ACYP2: variants seen among roughly 807,000 people sequenced by gnomAD.
ACYP2 encodes acylphosphatase-2.
Under a neutral mutation model 11.2 loss-of-function variants are expected in ACYP2, and 12 were observed. That is an observed-to-expected ratio of 1.08 (90% CI 0.69 to 1.74). ACYP2 has a LOEUF of 1.74. ACYP2 is among the 40% of genes most tolerant of loss of function. The pLI is 0.00. For missense variants in ACYP2, 134 were observed against 101.9 expected, an observed-to-expected ratio of 1.31 and a Z score of -1.35; for synonymous variants, 43 against 32.2, an observed-to-expected ratio of 1.33 and a Z score of -1.13.
intron 6 of ACYP2, among the ~76,000 whole-genome samples, chr2:54,266,855 C>T (rs376843373): frequency 6.6e-5 from 10 of 151,854 alleles, no homozygotes; most frequent in East Asian, 5.8e-4. Context: ...GTGATCCGCC[C>T]GCCTCAGCCT....
At chr2:54,033,437 T>G (rs568401441) in intron 2 of ACYP2, among the ~76,000 whole-genome samples, 1 of 152,130 alleles carries the variant, frequency 6.6e-6, no homozygotes, top group South Asian at 2.1e-4. Context: ...GGTCTCGAAC[T>G]CTTGGGCTCA....
chr2:54,008,594 A>C lies in ACYP2; in HGVS notation c.62+34784A>C, dbSNP rs139307729. On this transcript the variant is annotated intron_variant, in intron 2 of 6. Transcript: ENST00000607452. ...AGAATTACATTCTTTGGCCAGGTTC[A>C]AGTGATTCTCCCACCTCAGACTCCC... Among the ~76,000 whole-genome samples, 687 of 152,300 alleles carry C rather than the reference A, an allele frequency of 4.5e-3. 12 individuals carry two copies. Among genetic ancestry groups the C allele is most frequent in the African/African-American group, 0.016 (667 of 41,560 alleles).
intron 4 of ACYP2, among the ~76,000 whole-genome samples, chr2:54,066,357 G>A (rs758906240): frequency 3.9e-5 from 6 of 152,062 alleles, no homozygotes; most frequent in African/African-American, 1.2e-4. Flanking sequence ...TTGAGGCCTC[G>A]CCAGACATGC....
chr2:54,018,099 T>G (rs1439185079), intron 2 of ACYP2, among the ~76,000 whole-genome samples: 1 of 152,162 alleles, frequency 6.6e-6, no homozygotes, highest in Non-Finnish European at 1.5e-5. Context: ...GGACCTGTGT[T>G]GTAACCTAGC....
chr2:54,149,857 T>G (rs1287409069), intron 6 of ACYP2, among the ~76,000 whole-genome samples: 3 of 152,142 alleles, frequency 2.0e-5, no homozygotes, highest in Non-Finnish European at 4.4e-5. Flanking sequence ...TTGAAGGCAT[T>G]GGGGAATTTA....
At chr2:54,244,729 TTTA>T (rs1328709515) in intron 6 of ACYP2, among the ~76,000 whole-genome samples, 2 of 150,934 alleles carry the variant, frequency 1.3e-5, no homozygotes, top group African/African-American at 2.4e-5. Flanking sequence ...AAATCCTTGT[TTTA>T]TTTTTTTCTG....
chr2:54,048,754 A>T (rs1191755440), intron 2 of ACYP2, among the ~76,000 whole-genome samples: 1 of 152,226 alleles, frequency 6.6e-6, no homozygotes, highest in Non-Finnish European at 1.5e-5. Context: ...AAATGTGCAG[A>T]ATTGTTTTCA....
At position 53,983,408 on chromosome 2, in the gene ACYP2, A is replaced by T. The variant is rs1301948860; in HGVS notation, c.62+9598A>T. Among the ~76,000 whole-genome samples the T allele has an allele frequency of 2.0e-5, 3 of 152,248 alleles. No homozygotes were observed. The East Asian group carries it at 5.8e-4, about 29-fold the overall frequency. ...GTAGTCCGAGCTACTTGGGAGGCTG[A>T]GGTGGAAGAATCACTTGAACCCAGG... is the stretch of plus-strand genomic sequence containing the variant. On this transcript the variant is annotated intron_variant, in intron 2 of 6. Transcript: ENST00000607452.
chr2:54,013,513 T>C (rs945053641), intron 2 of ACYP2, among the ~76,000 whole-genome samples: 2 of 151,822 alleles, frequency 1.3e-5, no homozygotes, highest in African/African-American at 4.8e-5. Context: ...TTGGCCAGGC[T>C]GGTCTTGAAC....
At chr2:54,078,919 G>T (rs1419704553) in intron 4 of ACYP2, among the ~76,000 whole-genome samples, 2 of 152,086 alleles carry the variant, frequency 1.3e-5, no homozygotes, top group African/African-American at 4.8e-5. Context: ...TTTAACTTAT[G>T]ATGTCAAAAA....
At chr2:54,215,800 T>C (rs1426261132) in intron 6 of ACYP2, among the ~76,000 whole-genome samples, 1 of 152,232 alleles carries the variant, frequency 6.6e-6, no homozygotes, top group Non-Finnish European at 1.5e-5. Flanking sequence ...ATTGTATTTA[T>C]GTATAAAATA....
chr2:54,006,718 G>A (rs971328520), intron 2 of ACYP2, among the ~76,000 whole-genome samples: 1 of 152,152 alleles, frequency 6.6e-6, no homozygotes, highest in African/African-American at 2.4e-5. Context: ...CTGCAGCCTT[G>A]ATCTCTTGGG....
chr2:54,076,834 A>C (rs1019829401), intron 4 of ACYP2, among the ~76,000 whole-genome samples: 2 of 152,148 alleles, frequency 1.3e-5, no homozygotes, highest in Non-Finnish European at 2.9e-5. Context: ...AAAAGATAAC[A>C]CTTAGCAGCT....
intron 2 of ACYP2, among the ~76,000 whole-genome samples, chr2:53,981,749 C>G (rs1488894272): frequency 6.6e-6 from 1 of 152,070 alleles, no homozygotes; most frequent in Non-Finnish European, 1.5e-5. Context: ...TCTCCTGCCT[C>G]AGAAACAATA....
chr2:54,240,512 C>T (rs144318730), intron 6 of ACYP2, among the ~76,000 whole-genome samples: 4 of 152,226 alleles, frequency 2.6e-5, no homozygotes, highest in East Asian at 3.9e-4. Context: ...TGTCTCTAAC[C>T]GGAGCTCCTG....
At chr2:54,056,040 C>T (rs1023252085) in intron 3 of ACYP2, among the ~76,000 whole-genome samples, 1 of 152,156 alleles carries the variant, frequency 6.6e-6, no homozygotes, top group Non-Finnish European at 1.5e-5. Flanking sequence ...TTGCACCAGG[C>T]TCCTATGATT....
intron 4 of ACYP2, chr2:54,084,703 CAATT>C (rs1317207155): frequency 6.6e-6 from 1 of 150,740 alleles, no homozygotes; most frequent in Non-Finnish European, 1.5e-5. Context: ...TTACTCTTAA[CAATT>C]AACAGTATTA....
intron 4 of ACYP2, among the ~76,000 whole-genome samples, chr2:54,087,680 CCTT>C (rs754073619): frequency 1.3e-5 from 2 of 152,150 alleles, no homozygotes; most frequent in Admixed American, 6.6e-5. Context: ...GCTATTATCT[CCTT>C]CTTCATTATT....
At chr2:54,193,678 A>G (rs1456850845) in intron 6 of ACYP2, among the ~76,000 whole-genome samples, 1 of 152,204 alleles carries the variant, frequency 6.6e-6, no homozygotes, top group Non-Finnish European at 1.5e-5. Flanking sequence ...AATCAATCTT[A>G]TATTTTTAAT....
Sources: gnomAD v4.1 joint callset for allele counts (sites outside exome capture counted in the v4.1 genomes callset) on GRCh38, gnomAD v4.1.1 for gene constraint, MANE v1.5 for transcripts, NCBI Gene and HGNC (gene_info 2026-07-23, HGNC 2026-07-21) for gene names.